CELF2: variants seen among roughly 807,000 people sequenced by gnomAD.
CELF2 encodes the protein CUGBP Elav-like family member 2.
CELF2 carries 8 observed loss-of-function variants against 62.6 expected under a neutral mutation model. The ratio of observed to expected loss-of-function variants is 0.13; its 90% confidence interval spans 0.07 to 0.23. CELF2 has a LOEUF of 0.23. Ranked by LOEUF, CELF2 falls within the 10% of genes least tolerant of loss-of-function variation. The pLI is 1.00. For missense variants in CELF2, 333 were observed against 671.0 expected (o/e 0.50, Z 5.56); for synonymous variants, 258 against 250.0 (o/e 1.03, Z -0.30).
chr10:11,195,559 G>A (rs1050549316), intron 2 of CELF2, among the ~76,000 whole-genome samples: 9 of 152,320 alleles, frequency 5.9e-5, no homozygotes, highest in Non-Finnish European at 1.0e-4. Context: ...ACAGGACAAG[G>A]CAACAGTTGT....
At chr10:11,037,606 T>C (rs2061168842) in intron 1 of CELF2, among the ~76,000 whole-genome samples, 1 of 152,200 alleles carries the variant, frequency 6.6e-6, no homozygotes, top group Non-Finnish European at 1.5e-5. Flanking sequence ...CACAGCCCCA[T>C]GTCAACAGTT....
chr10:10,545,774 T>A, the CELF2 span, among the ~76,000 whole-genome samples: 2 of 152,182 alleles, frequency 1.3e-5, no homozygotes, highest in East Asian at 3.8e-4. Context: ...ACAAAGAAGT[T>A]CAACACTTTT....
the CELF2 span, among the ~76,000 whole-genome samples, chr10:10,692,233 C>A: frequency 6.7e-6 from 1 of 150,048 alleles, no homozygotes; most frequent in African/African-American, 2.5e-5. Flanking sequence ...ATATGGCTAG[C>A]CAGTTTTCCC....
chr10:10,758,438 C>A, the CELF2 span, among the ~76,000 whole-genome samples: 1 of 152,148 alleles, frequency 6.6e-6, no homozygotes, highest in East Asian at 1.9e-4. Context: ...GGAATATGGG[C>A]CTGTGAAATG....
the CELF2 span, among the ~76,000 whole-genome samples, chr10:10,704,825 C>T: frequency 6.6e-6 from 1 of 151,952 alleles, no homozygotes; most frequent in African/African-American, 2.4e-5. Context: ...AGAATGCCAT[C>T]CCTGTTAGAA....
chr10:10,467,142 A>C, the CELF2 span, among the ~76,000 whole-genome samples: 2 of 152,044 alleles, frequency 1.3e-5, no homozygotes, highest in Non-Finnish European at 2.9e-5. Flanking sequence ...CACGGTTCAT[A>C]CTTTTTTGTG....
At chr10:10,683,854 G>A in the CELF2 span, among the ~76,000 whole-genome samples, 2 of 152,164 alleles carry the variant, frequency 1.3e-5, no homozygotes, top group Admixed American at 1.3e-4. Context: ...AAACCCTAGA[G>A]TTTTGTCAAC....
At chr10:10,888,817 C>G (rs2061941037) in intron 1 of CELF2, among the ~76,000 whole-genome samples, 1 of 152,186 alleles carries the variant, frequency 6.6e-6, no homozygotes, top group African/African-American at 2.4e-5. Flanking sequence ...TTTCTGAAAC[C>G]TTTCAGCACG....
At chr10:10,900,646 G>A (rs956519100) in intron 1 of CELF2, among the ~76,000 whole-genome samples, 3 of 151,998 alleles carry the variant, frequency 2.0e-5, no homozygotes, top group Non-Finnish European at 2.9e-5. Context: ...TTTCTTCAAG[G>A]TCAGGAACTA....
intron 1 of CELF2, among the ~76,000 whole-genome samples, chr10:11,026,679 T>TTA (rs1004793687): frequency 3.9e-5 from 6 of 152,302 alleles, no homozygotes; most frequent in South Asian, 4.1e-4. Flanking sequence ...TTTTCCTGAT[T>TTA]TATATATATG....
intron 4 of CELF2, among the ~76,000 whole-genome samples, chr10:11,253,361 C>T (rs997398393): frequency 6.6e-6 from 1 of 152,184 alleles, no homozygotes; most frequent in Admixed American, 6.5e-5. Flanking sequence ...AAGTTCAGAG[C>T]TAGCAGCAGT....
chr10:11,223,445 T>G lies in CELF2; in HGVS notation c.354+5938T>G, dbSNP rs1031936552. Among the ~76,000 whole-genome samples, 1 of 152,242 alleles carries G rather than the reference T, an allele frequency of 6.6e-6. No homozygotes were observed. Among genetic ancestry groups the G allele is most frequent in the Non-Finnish European group, 1.5e-5 (1 of 68,034 alleles). On this transcript the variant is annotated intron_variant, in intron 3 of 12. Coordinates refer to ENST00000633077, the MANE Select transcript of CELF2 (RefSeq NM_001326342.2). This position sits in a 1 kb window ranked among gnomAD's most constrained non-coding sequence, Gnocchi z 5.1. ...TGGTGCAGATGCTTCAGATGTACAT[T>G]TGCAGAATTTGGCCTGGGCTGAGAA...
intron 1 of CELF2, among the ~76,000 whole-genome samples, chr10:10,809,223 C>G (rs2055581916): frequency 6.6e-6 from 1 of 152,184 alleles, no homozygotes; most frequent in African/African-American, 2.4e-5. Flanking sequence ...GTCTCTGTCT[C>G]TACCATGGAA....
intron 1 of CELF2, among the ~76,000 whole-genome samples, chr10:11,101,482 A>C (rs2051614874): frequency 2.0e-5 from 3 of 152,196 alleles, no homozygotes; most frequent in African/African-American, 7.2e-5. Context: ...GACATAGAGC[A>C]CCAGGAGAGT....
chr10:10,626,042 G>A, the CELF2 span, among the ~76,000 whole-genome samples: 4 of 152,030 alleles, frequency 2.6e-5, no homozygotes, highest in African/African-American at 9.7e-5. Context: ...GAAGAATTCT[G>A]CTTTGACCTA....
intron 1 of CELF2, among the ~76,000 whole-genome samples, chr10:11,162,026 GA>G: frequency 6.6e-6 from 1 of 152,204 alleles, no homozygotes; most frequent in African/African-American, 2.4e-5. Flanking sequence ...TCCAGAGCAG[GA>G]TTCATTTGGG....
At chr10:10,663,110 A>G in the CELF2 span, among the ~76,000 whole-genome samples, 2 of 152,252 alleles carry the variant, frequency 1.3e-5, no homozygotes, top group South Asian at 2.1e-4. Context: ...AGGCAGGCTT[A>G]GCTGAAATAT....
the CELF2 span, among the ~76,000 whole-genome samples, chr10:10,488,006 C>G: frequency 3.3e-5 from 5 of 151,720 alleles, no homozygotes; most frequent in Non-Finnish European, 5.9e-5. Flanking sequence ...ACAGTGAAAG[C>G]CAATATATTA....
the CELF2 span, among the ~76,000 whole-genome samples, chr10:10,690,034 A>T: frequency 1.3e-5 from 2 of 152,232 alleles, no homozygotes; most frequent in African/African-American, 2.4e-5. Flanking sequence ...ATCTCTGTGG[A>T]ACATAAGCTA....
Sources: gnomAD v4.1 joint callset for allele counts (sites outside exome capture counted in the v4.1 genomes callset) on GRCh38, gnomAD v4.1.1 for gene constraint, Gnocchi (gnomAD v3.1) non-coding constraint, MANE v1.5 for transcripts, NCBI Gene and HGNC (gene_info 2026-07-23, HGNC 2026-07-21) for gene names.